SYBU: variants seen among roughly 807,000 people sequenced by gnomAD.
The protein encoded by SYBU is GOLSYN A protein.
A neutral mutation model predicts 35.9 loss-of-function variants in SYBU; 21 were observed. That is an observed-to-expected ratio of 0.58 (90% CI 0.41 to 0.84). The LOEUF is 0.84. SYBU is among the 40% of genes least tolerant of loss of function. SYBU has a pLI of 0.00. For missense variants in SYBU, 768 were observed against 848.2 expected, an observed-to-expected ratio of 0.91 and a Z score of 1.17; for synonymous variants, 319 against 324.3, an observed-to-expected ratio of 0.98 and a Z score of 0.18.
At chr8:109,653,300 C>A (rs181592257) in intron 1 of SYBU, among the ~76,000 whole-genome samples, 2 of 152,288 alleles carry the variant, frequency 1.3e-5, no homozygotes, top group African/African-American at 4.8e-5. Context: ...CTATCCCAAT[C>A]TACCTGATTA....
chr8:109,618,777 T>C (rs1812103246), intron 3 of SYBU, 65 bp downstream of exon 3: 1 of 1,468,428 alleles, frequency 6.8e-7, no homozygotes. Context: ...AGGTGTTTAG[T>C]TTTAAACATG....
chr8:109,690,856 C>T (rs1298781080), intron 1 of SYBU, among the ~76,000 whole-genome samples: 1 of 152,264 alleles, frequency 6.6e-6, no homozygotes, highest in South Asian at 2.1e-4. Flanking sequence ...GAAGCAGAAA[C>T]TTGAAAAGTG....
exon 1 of SYBU, chr8:109,680,954 A>C (rs1041816564): frequency 1.3e-5 from 2 of 152,254 alleles, no homozygotes; most frequent in Admixed American, 1.3e-4. Context: ...CTGCTTACTC[A>C]GGGAACACTG....
chr8:109,621,334 G>T (rs914996862), intron 2 of SYBU, among the ~76,000 whole-genome samples: 4 of 152,216 alleles, frequency 2.6e-5, no homozygotes, highest in Non-Finnish European at 4.4e-5. Flanking sequence ...TAGAGTGGTG[G>T]CAGTGTGTAA....
In SYBU at chr8:109,644,792, C is replaced by T. The variant is rs1406705044; in HGVS notation, c.-133G>A. 2.2e-5 allele frequency: 19 copies of T among 861,538 alleles called. No homozygotes were observed. The highest frequency in any genetic ancestry group is 3.0e-5 in the Non-Finnish European group (19 of 628,530). The allele number at this position is 861,538 out of a possible 1,614,324, so 53.4% of individuals were successfully genotyped here. ...GGCGGCTCTTGGTGAGGCTCCAACG[C>T]GCCGCCGCCGCCACTGCCGCCGATT... On this transcript the variant is annotated 5_prime_UTR_variant, in exon 1 of 7. Transcript: ENST00000276646.
intron 2 of SYBU, among the ~76,000 whole-genome samples, chr8:109,621,856 T>C (rs1383110847): frequency 6.6e-6 from 1 of 152,180 alleles, no homozygotes; most frequent in East Asian, 1.9e-4. Context: ...ATTTTCCTAC[T>C]ACAGAGGGCA....
intron 2 of SYBU, among the ~76,000 whole-genome samples, chr8:109,625,621 T>C (rs2130454837): frequency 6.6e-6 from 1 of 152,210 alleles, no homozygotes; most frequent in Middle Eastern, 3.4e-3. Context: ...AGAATCTTGC[T>C]TTGTTGGCCA....
At chr8:109,673,223 G>C (rs866020757) in intron 1 of SYBU, among the ~76,000 whole-genome samples, 1 of 152,090 alleles carries the variant, frequency 6.6e-6, no homozygotes, top group Non-Finnish European at 1.5e-5. Context: ...CCTGACCCCC[G>C]TGCCTCCTGA....
In SYBU at chr8:109,691,289, C is replaced by G. The variant is rs1231049201; in HGVS notation, c.-58+44G>C. 1 of 698,076 alleles carries G rather than the reference C, an allele frequency of 1.4e-6. No individual in the cohort carries two copies. The highest frequency in any genetic ancestry group is 2.6e-6 in the Non-Finnish European group (1 of 383,020). The allele number at this position is 698,076 out of a possible 1,614,324, so 43.2% of individuals were successfully genotyped here. ...AGACCATCAGTTGCCCTCCCGTGTC[C>G]GCGGGCACTGACAGCAGAGACCGCA... is the stretch of plus-strand genomic sequence containing the variant. On this transcript the variant is annotated intron_variant, in intron 1 of 7. Transcript: ENST00000422135. This position sits in a 1 kb window ranked among gnomAD's most constrained non-coding sequence, Gnocchi z 4.7.
chr8:109,617,770 C>T (rs1310295483), intron 3 of SYBU, among the ~76,000 whole-genome samples: 1 of 152,184 alleles, frequency 6.6e-6, no homozygotes, highest in Non-Finnish European at 1.5e-5. Flanking sequence ...TCAGGCACCA[C>T]TAGGAAATAG....
chr8:109,585,836 TGGGAGACAGCCATGGATGTACAAACACA>T, intron 4 of SYBU, 196 bp downstream of exon 4: 1 of 542,274 alleles, frequency 1.8e-6, no homozygotes, highest in Non-Finnish European at 3.3e-6. Context: ...AAGGGTTGGA[TGGGAGACAGCCATGGATGTACAAACACA>T]GGTGAGCCAT....
intron 1 of SYBU, among the ~76,000 whole-genome samples, chr8:109,667,268 C>T (rs1468240016): frequency 6.6e-6 from 1 of 152,026 alleles, no homozygotes; most frequent in African/African-American, 2.4e-5. Context: ...AGGTGCCCAC[C>T]ACTACGCCTG....
intron 3 of SYBU, chr8:109,607,808 T>TCTCTCACACACACA (rs71564047): frequency 2.8e-6 from 1 of 356,086 alleles, no homozygotes. Context: ...CACAACTAAC[T>TCTCTCACACACACA]CACACACACA....
intron 1 of SYBU, among the ~76,000 whole-genome samples, chr8:109,668,244 T>G (rs1816839524): frequency 6.8e-6 from 1 of 147,526 alleles, no homozygotes; most frequent in Non-Finnish European, 1.5e-5. Context: ...GCCTGAGATT[T>G]AAAGTGAAAT....
intron 1 of SYBU, 121 bp downstream of exon 1, chr8:109,644,515 C>T (rs1462317732): frequency 1.4e-5 from 17 of 1,194,318 alleles, no homozygotes; most frequent in Non-Finnish European, 2.0e-5. Context: ...CCCACCACCA[C>T]CTCCTTCCAC....
chr8:109,644,335 T>C, intron 1 of SYBU: 2 of 591,154 alleles, frequency 3.4e-6, no homozygotes, highest in Non-Finnish European at 6.3e-6. Flanking sequence ...ATTCCTTTCA[T>C]TCACATCACA....
chr8:109,689,415 T>G (rs1817593491), intron 1 of SYBU, among the ~76,000 whole-genome samples: 1 of 152,192 alleles, frequency 6.6e-6, no homozygotes, highest in Non-Finnish European at 1.5e-5. Flanking sequence ...CCCTGCACCC[T>G]GGGCTCAAGC....
intron 3 of SYBU, among the ~76,000 whole-genome samples, chr8:109,610,022 G>T (rs7832750): frequency 0.011 from 1,658 of 152,086 alleles, 35 homozygotes; most frequent in African/African-American, 0.038. Context: ...TTACTCTAAG[G>T]ATATAGACTT....
At chr8:109,644,575 C>T in intron 1 of SYBU, 61 bp downstream of exon 1, 1 of 1,524,762 alleles carries the variant, frequency 6.6e-7, no homozygotes, top group Non-Finnish European at 8.8e-7. Context: ...CCCGCCGCTT[C>T]TCGCCCCGCA....
Sources: gnomAD v4.1 joint callset for allele counts (sites outside exome capture counted in the v4.1 genomes callset) on GRCh38, gnomAD v4.1.1 for gene constraint, Gnocchi (gnomAD v3.1) non-coding constraint, MANE v1.5 for transcripts, NCBI Gene and HGNC (gene_info 2026-07-23, HGNC 2026-07-21) for gene names.